Variants in OTUD7B observed in about 807,000 individuals in gnomAD.
The protein encoded by OTUD7B is OTU deubiquitinase 7B, also known as OTU domain-containing protein 7B.
In OTUD7B, 34 loss-of-function variants were observed where a neutral mutation model predicts 82.2. The ratio of observed to expected loss-of-function variants is 0.41; its 90% CI spans 0.31 to 0.55. The LOEUF (loss-of-function observed/expected upper bound fraction) is 0.55, where lower values mean the gene tolerates loss of function less well. Ranked by LOEUF, OTUD7B falls within the 20% of genes least tolerant of loss-of-function variation. The pLI, the probability that OTUD7B is intolerant of heterozygous loss-of-function variation, is 0.20. For missense variants in OTUD7B, 944 were observed against 1,062.1 expected (o/e 0.89, Z 1.55); for synonymous variants, 398 against 402.7 (o/e 0.99, Z 0.14).
chr1:149,975,756 G>A (rs1158401820), intron 2 of OTUD7B, among the ~76,000 whole-genome samples: 2 of 152,058 alleles, frequency 1.3e-5, no homozygotes, highest in Admixed American at 1.3e-4. Flanking sequence ...AGGCTGGGCA[G>A]GGTGGCTCAT....
chr1:150,058,640 C>A, the OTUD7B span, among the ~76,000 whole-genome samples: 1 of 152,332 alleles, frequency 6.6e-6, no homozygotes, highest in South Asian at 2.1e-4. Context: ...AAGATCCACA[C>A]TTGATGAATC....
chr1:150,059,303 C>CAA, the OTUD7B span, among the ~76,000 whole-genome samples: 1 of 38,602 alleles, frequency 2.6e-5, no homozygotes, highest in African/African-American at 9.0e-5. Context: ...TCCACCCCCC[C>CAA]CCCCCCCGCC....
the OTUD7B span, among the ~76,000 whole-genome samples, chr1:150,027,970 A>G: frequency 6.6e-6 from 1 of 152,240 alleles, no homozygotes; most frequent in Non-Finnish European, 1.5e-5. Context: ...TTTCTGAAGT[A>G]TCCAAAATAA....
chr1:150,065,772 CAGGA>C, the OTUD7B span, among the ~76,000 whole-genome samples: 1 of 145,798 alleles, frequency 6.9e-6, no homozygotes, highest in Admixed American at 6.7e-5. Flanking sequence ...TGGTTTTCTT[CAGGA>C]AGGAAGGATG....
chr1:149,972,888 T>C (rs1310668077), intron 2 of OTUD7B, among the ~76,000 whole-genome samples: 1 of 152,208 alleles, frequency 6.6e-6, no homozygotes, highest in African/African-American at 2.4e-5. Context: ...TGAGTATCCA[T>C]CATTTTCCTT....
the OTUD7B span, among the ~76,000 whole-genome samples, chr1:150,033,743 G>T: frequency 6.6e-6 from 1 of 151,482 alleles, no homozygotes; most frequent in Non-Finnish European, 1.5e-5. Flanking sequence ...AATTTTTTTT[G>T]AGATGGAATC....
At chr1:150,048,291 C>T in the OTUD7B span, among the ~76,000 whole-genome samples, 8 of 152,082 alleles carry the variant, frequency 5.3e-5, no homozygotes, top group African/African-American at 7.2e-5. Flanking sequence ...ACAAGCTATC[C>T]GTAGGAACCC....
the OTUD7B span, among the ~76,000 whole-genome samples, chr1:150,057,714 G>A: frequency 6.6e-6 from 1 of 152,176 alleles, no homozygotes; most frequent in African/African-American, 2.4e-5. Flanking sequence ...CCATGATTCT[G>A]AGGTTCTGTG....
rs2101690831 is a variant in OTUD7B at position 149,938,746 on chromosome 1, CCCGA to C, written c.*5107_*5110del. 1.5e-5 allele frequency: 1 copy of C among 67,100 alleles called. No homozygotes were observed. The highest frequency in any genetic ancestry group is 4.0e-4 in the East Asian group (1 of 2,476). The allele number at this position is 67,100 out of a possible 1,614,324, so 4.2% of individuals were successfully genotyped here. ...CCAGCCTGGCCAACATGGCGAAACC[CCCGA>C]CTCTAACTAAAAAAAAAAAAAAAAA... On this transcript the variant is annotated 3_prime_UTR_variant, in exon 12 of 12. Transcript: ENST00000581312.
chr1:149,967,592 T>C (rs1232993377), intron 3 of OTUD7B, 71 bp from the exon 4 acceptor site: 6 of 1,149,302 alleles, frequency 5.2e-6, no homozygotes, highest in African/African-American at 1.6e-5. Context: ...GATGTGGTGA[T>C]AGTTACCTCT....
chr1:150,003,917 C>T (rs797023571), intron 1 of OTUD7B, among the ~76,000 whole-genome samples: 5 of 152,252 alleles, frequency 3.3e-5, no homozygotes, highest in African/African-American at 1.2e-4. Flanking sequence ...CATTTCATTG[C>T]CACTTTAAAT....
At chr1:149,977,671 T>C in intron 1 of OTUD7B, 95 bp from the exon 2 acceptor site, 1 of 573,088 alleles carries the variant, frequency 1.7e-6, no homozygotes, top group East Asian at 2.8e-5. Flanking sequence ...GGGGAAACTA[T>C]CCTAGCTCAT....
intron 6 of OTUD7B, 108 bp from the exon 7 acceptor site, chr1:149,959,904 T>C (rs781950247): frequency 1.5e-4 from 106 of 711,110 alleles, no homozygotes; most frequent in Non-Finnish European, 2.6e-4. Context: ...CCCTTAGCAC[T>C]TGGTTTACAA....
the OTUD7B span, among the ~76,000 whole-genome samples, chr1:150,061,889 C>T: frequency 0.1 from 15,410 of 152,172 alleles, 2,577 homozygotes; most frequent in African/African-American, 0.35. Flanking sequence ...GGCTGTGATG[C>T]CCACAGCCAC....
the OTUD7B span, among the ~76,000 whole-genome samples, chr1:150,031,886 T>C: frequency 6.6e-6 from 1 of 152,210 alleles, no homozygotes; most frequent in African/African-American, 2.4e-5. Flanking sequence ...GCTATTATTG[T>C]TTTGGCAAAT....
chr1:149,955,122 A>C (rs12048493), intron 7 of OTUD7B, among the ~76,000 whole-genome samples: 43,577 of 151,678 alleles, frequency 0.29, 7,656 homozygotes, highest in Middle Eastern at 0.4. Flanking sequence ...TAGTTCTTTT[A>C]ATTGTGATGT....
intron 1 of OTUD7B, among the ~76,000 whole-genome samples, chr1:149,988,040 T>C (rs1046250219): frequency 1.3e-5 from 2 of 152,316 alleles, no homozygotes; most frequent in East Asian, 3.9e-4. Context: ...GATTTTGTAA[T>C]AGTCTCTTAA....
At chr1:150,039,783 A>G in the OTUD7B span, among the ~76,000 whole-genome samples, 3 of 152,196 alleles carry the variant, frequency 2.0e-5, no homozygotes, top group Non-Finnish European at 4.4e-5. Flanking sequence ...TTATAAATGT[A>G]ATTTTTTTCC....
intron 7 of OTUD7B, 33 bp from the exon 8 acceptor site, chr1:149,950,254 G>T (rs782453738): frequency 9.9e-6 from 16 of 1,610,538 alleles, no homozygotes; most frequent in Non-Finnish European, 1.3e-5. Context: ...AGTGAAAAGG[G>T]TGCAGTAAAA....
Sources: allele counts gnomAD v4.1 joint callset (sites outside exome capture counted in the v4.1 genomes callset), GRCh38; gene constraint gnomAD v4.1.1; transcripts MANE v1.5; gene names NCBI Gene and HGNC (gene_info 2026-07-23, HGNC 2026-07-21).